The following EHBP1 variants were observed in gnomAD, a reference collection of about 807,000 sequenced individuals.
The protein encoded by EHBP1 is EH domain binding protein 1.
Under a neutral mutation model 144.0 loss-of-function variants are expected in EHBP1, and 55 were observed. The ratio of observed to expected loss-of-function variants is 0.38; its 90% CI spans 0.31 to 0.48. The LOEUF (loss-of-function observed/expected upper bound fraction) is 0.48, where lower values mean the gene tolerates loss of function less well. Ranked by LOEUF, EHBP1 falls within the 20% of genes least tolerant of loss-of-function variation. The pLI, the probability that EHBP1 is intolerant of heterozygous loss-of-function variation, is 0.98. For synonymous variants in EHBP1, 469 were observed against 472.7 expected, an observed-to-expected ratio of 0.99 and a Z score of 0.10; for missense variants, 1,200 against 1,364.2, an observed-to-expected ratio of 0.88 and a Z score of 1.90.
intron 8 of EHBP1, among the ~76,000 whole-genome samples, chr2:62,860,595 G>A (rs183002744): frequency 6.6e-6 from 1 of 152,294 alleles, no homozygotes; most frequent in Non-Finnish European, 1.5e-5. Flanking sequence ...TTGACTTTAG[G>A]TTAGATGGAG....
At chr2:62,859,410 T>C (rs1573754831) in intron 8 of EHBP1, 119 bp downstream of exon 8, 3 of 994,068 alleles carry the variant, frequency 3.0e-6, no homozygotes, top group South Asian at 2.3e-5. Context: ...TATAATGATA[T>C]TATTATTGTG....
At chr2:63,019,856 G>GA (rs1231061166) in intron 19 of EHBP1, among the ~76,000 whole-genome samples, 2 of 135,662 alleles carry the variant, frequency 1.5e-5, no homozygotes, top group South Asian at 2.6e-4. Flanking sequence ...AGGAAGGAAG[G>GA]AAGGAAGGAA....
chr2:62,882,633 A>G (rs1244570475), intron 10 of EHBP1, among the ~76,000 whole-genome samples: 1 of 152,244 alleles, frequency 6.6e-6, no homozygotes, highest in African/African-American at 2.4e-5. Flanking sequence ...CTGTAATCCC[A>G]GCACTTTGGG....
intron 19 of EHBP1, among the ~76,000 whole-genome samples, chr2:63,019,031 CCTTT>C (rs2060593038): frequency 6.6e-6 from 1 of 152,048 alleles, no homozygotes; most frequent in South Asian, 2.1e-4. Flanking sequence ...GGAATATCAC[CCTTT>C]CTTTTTTTAA....
At chr2:62,687,529 T>C (rs2033759281) in intron 1 of EHBP1, among the ~76,000 whole-genome samples, 1 of 152,184 alleles carries the variant, frequency 6.6e-6, no homozygotes, top group Non-Finnish European at 1.5e-5. Flanking sequence ...ATAAACTGTT[T>C]AGGAATTCCA....
chr2:62,689,413 T>C (rs1211803462), intron 1 of EHBP1, among the ~76,000 whole-genome samples: 1 of 152,166 alleles, frequency 6.6e-6, no homozygotes, highest in Non-Finnish European at 1.5e-5. Context: ...GAGGCCGAAG[T>C]GGGCAGATCG....
At chr2:62,867,687 T>TA (rs1173929200) in intron 9 of EHBP1, among the ~76,000 whole-genome samples, 2 of 152,144 alleles carry the variant, frequency 1.3e-5, no homozygotes. Context: ...GCATGCTTTT[T>TA]AAAAAAATAA....
chr2:62,751,152 C>A (rs947365112), intron 3 of EHBP1, among the ~76,000 whole-genome samples: 24 of 152,122 alleles, frequency 1.6e-4, no homozygotes, highest in African/African-American at 5.8e-4. Context: ...TTTTGAGATA[C>A]GTCCCATCAA....
intron 14 of EHBP1, among the ~76,000 whole-genome samples, chr2:62,969,579 A>G (rs534867483): frequency 6.6e-6 from 1 of 152,178 alleles, no homozygotes; most frequent in African/African-American, 2.4e-5. Flanking sequence ...AACTATCTCA[A>G]ATTTAAGTTC....
intron 5 of EHBP1, among the ~76,000 whole-genome samples, chr2:62,815,639 T>C (rs1327050143): frequency 6.6e-6 from 1 of 152,216 alleles, no homozygotes; most frequent in Non-Finnish European, 1.5e-5. Context: ...CCTTGGGTAT[T>C]TGGCAAATGT....
At position 62,696,142 on chromosome 2, in the gene EHBP1, TTCTCTC is replaced by T. The variant is rs560824913; in HGVS notation, c.-295-10735_-295-10730del. Among the ~76,000 whole-genome samples the T allele has an allele frequency of 2.2e-3, 293 of 132,430 alleles. 10 individuals are homozygous for T. In the South Asian group the frequency reaches 0.068, roughly 31 times the overall value. The allele number at this position is 132,430 out of a possible 152,430, so 86.9% of individuals were successfully genotyped here. On this transcript the variant is annotated intron_variant, in intron 1 of 22. Coordinates refer to the EHBP1 transcript ENST00000405015. The stretch of plus-strand genomic sequence containing the variant: ...AGTTTCCCTCCCTCCCTCCCTTCCT[TTCTCTC>T]TCTCTCTCTCTCTCTCTCTTTCTTT...
In EHBP1 at chr2:62,864,818, C is replaced by G. The variant is rs761004401; in HGVS notation, c.845C>G (p.Pro282Arg). The change falls in exon 9 of 23, where the codon CCA (proline) becomes CGA (arginine). Residue 282 changes from proline (P) to arginine (R), a missense_variant. Physicochemically the swap from Pro to Arg is moderately radical, Grantham distance 103. Transcript: ENST00000431489. ...SYNPFKEVQT[P>R]QYLNPFDEPE... ...AATCCCTTTAAAGAGGTGCAGACTC[C>G]ACAGTATTTGAACCCATTCGATGAG... The G allele has an allele frequency of 6.2e-7, 1 of 1,613,996 alleles. No individual in the cohort carries two copies. Among genetic ancestry groups the G allele is most frequent in the Non-Finnish European group, 8.5e-7 (1 of 1,179,980 alleles).
intron 2 of EHBP1, among the ~76,000 whole-genome samples, chr2:62,744,214 A>G (rs2038957216): frequency 6.6e-6 from 1 of 152,114 alleles, no homozygotes; most frequent in Non-Finnish European, 1.5e-5. Context: ...CCTACTAACT[A>G]AACTGAAGTG....
At chr2:62,841,052 G>T (rs1474405773) in intron 7 of EHBP1, among the ~76,000 whole-genome samples, 4 of 152,118 alleles carry the variant, frequency 2.6e-5, no homozygotes, top group Non-Finnish European at 1.5e-5. Context: ...TATGTTTATT[G>T]CGGCATTATT....
At chr2:62,930,648 A>C (rs1452315237) in intron 10 of EHBP1, among the ~76,000 whole-genome samples, 3 of 152,210 alleles carry the variant, frequency 2.0e-5, no homozygotes, top group Admixed American at 6.5e-5. Context: ...TACAGTAATC[A>C]AGACAGTATG....
At position 62,948,185 on chromosome 2, in the gene EHBP1, A is replaced by T. The variant is rs1408073311; in HGVS notation, c.1414-75A>T. On this transcript the variant is annotated intron_variant, in intron 12 of 22. Transcript: ENST00000431489. ...AACATGTACCCAAACAACAAAAATT[A>T]AAAATGTGCTCTTTTTAAAATGTGT... 12 of 1,346,406 alleles carry T rather than the reference A, an allele frequency of 8.9e-6. No homozygotes were observed. In the African/African-American group the frequency reaches 1.0e-4, roughly 11 times the overall value. The allele number at this position is 1,346,406 out of a possible 1,614,324, so 83.4% of individuals were successfully genotyped here.
chr2:62,745,702 T>C (rs1195264630), intron 2 of EHBP1, among the ~76,000 whole-genome samples: 2 of 151,950 alleles, frequency 1.3e-5, no homozygotes, highest in African/African-American at 2.4e-5. Flanking sequence ...CAAATGCACA[T>C]AGGGTCTAGA....
intron 5 of EHBP1, among the ~76,000 whole-genome samples, chr2:62,785,612 G>A (rs2042749794): frequency 6.6e-6 from 1 of 151,990 alleles, no homozygotes; most frequent in African/African-American, 2.4e-5. Flanking sequence ...TATCCAGAAG[G>A]CAGTTGGATA....
At chr2:62,784,058 C>G (rs1477285934) in intron 5 of EHBP1, among the ~76,000 whole-genome samples, 2 of 152,050 alleles carry the variant, frequency 1.3e-5, no homozygotes, top group African/African-American at 4.8e-5. Flanking sequence ...AATAAATCAG[C>G]CTTAATAACT....
Sources: gnomAD v4.1 joint callset for allele counts (sites outside exome capture counted in the v4.1 genomes callset) on GRCh38, gnomAD v4.1.1 for gene constraint, MANE v1.5 for transcripts, NCBI Gene and HGNC (gene_info 2026-07-23, HGNC 2026-07-21) for gene names.